HYDIN: variants seen among roughly 807,000 people sequenced by gnomAD.
HYDIN encodes the protein HYDIN axonemal central pair apparatus protein, also known as axonemal central pair apparatus protein HYDIN.
Under a neutral mutation model 403.9 loss-of-function variants are expected in HYDIN, and 132 were observed. That is an observed-to-expected ratio of 0.33 (90% confidence interval 0.28 to 0.38). The LOEUF is 0.38. HYDIN is among the 10% of genes least tolerant of loss of function. HYDIN has a pLI of 1.00. For missense variants in HYDIN, 2,827 were observed against 5,009.5 expected, an observed-to-expected ratio of 0.56 and a Z score of 13.15; for synonymous variants, 1,202 against 1,891.7, an observed-to-expected ratio of 0.64 and a Z score of 9.46.
chr16:71,226,332 T>C (rs531042709), intron 1 of HYDIN, among the ~76,000 whole-genome samples: 19 of 152,166 alleles, frequency 1.2e-4, no homozygotes, highest in African/African-American at 4.3e-4. Context: ...CCAAGGTAAG[T>C]GGAGGGAGGA....
At chr16:71,026,341 G>A (rs180728024) in intron 20 of HYDIN, among the ~76,000 whole-genome samples, 5,046 of 152,104 alleles carry the variant, frequency 0.033, 68 homozygotes, top group Non-Finnish European at 0.049. Flanking sequence ...ATAGAAGAGT[G>A]CTCAGGTTAG....
intron 10 of HYDIN, among the ~76,000 whole-genome samples, chr16:71,096,520 T>C (rs573997895): frequency 1.9e-4 from 29 of 152,116 alleles, no homozygotes; most frequent in Admixed American, 4.6e-4. Flanking sequence ...TGTCTCTGCA[T>C]GCTTCAGTAT....
At chr16:71,151,848 C>T (rs2085547905) in intron 7 of HYDIN, among the ~76,000 whole-genome samples, 2 of 151,548 alleles carry the variant, frequency 1.3e-5, no homozygotes, top group South Asian at 2.1e-4. Flanking sequence ...GTGTAATTTT[C>T]GTGATTATGG....
At chr16:70,859,847 A>G (rs1415043814) in intron 71 of HYDIN, among the ~76,000 whole-genome samples, 1 of 152,138 alleles carries the variant, frequency 6.6e-6, no homozygotes, top group Non-Finnish European at 1.5e-5. Flanking sequence ...CAAATATTAG[A>G]GCTCTCTGCT....
intron 42 of HYDIN, 150 bp downstream of exon 42, chr16:70,943,662 G>T: frequency 8.8e-7 from 1 of 1,138,358 alleles, no homozygotes; most frequent in African/African-American, 1.5e-5. Context: ...GTCAGGGGTC[G>T]ACAAGAGCTG....
chr16:71,188,365 C>T (rs569727661), intron 1 of HYDIN, among the ~76,000 whole-genome samples: 3 of 152,118 alleles, frequency 2.0e-5, no homozygotes, highest in Admixed American at 6.5e-5. Context: ...ATCTTCTAGG[C>T]GCATGAGTGG....
intron 7 of HYDIN, among the ~76,000 whole-genome samples, chr16:71,144,359 TGTTTGGTTTTGG>T (rs1271895955): frequency 3.6e-5 from 5 of 138,130 alleles, no homozygotes; most frequent in Non-Finnish European, 4.6e-5. Context: ...TCCAGTTATT[TGTTTGGTTTTGG>T]ATTTGGTTTT....
chr16:71,115,539 T>C (rs1335489965), intron 10 of HYDIN, among the ~76,000 whole-genome samples, 157 bp downstream of exon 10: 1 of 152,194 alleles, frequency 6.6e-6, no homozygotes, highest in Non-Finnish European at 1.5e-5. Context: ...GGGGCATAGC[T>C]TGGCTCCATA....
chr16:71,122,599 T>TAG, intron 9 of HYDIN, among the ~76,000 whole-genome samples: 1 of 77,778 alleles, frequency 1.3e-5, no homozygotes, highest in East Asian at 3.8e-4. Flanking sequence ...CATCTGGACT[T>TAG]CCACCCAACC....
intron 43 of HYDIN, 196 bp downstream of exon 43, chr16:70,941,440 G>A (rs1305302510): frequency 5.0e-6 from 2 of 401,554 alleles, no homozygotes; most frequent in African/African-American, 4.1e-5. Context: ...AGTGTGATGG[G>A]AGGGAAGCAG....
intron 1 of HYDIN, among the ~76,000 whole-genome samples, chr16:71,230,257 G>C (rs74025909): frequency 3.5e-4 from 54 of 152,320 alleles, no homozygotes; most frequent in African/African-American, 1.2e-3. Context: ...ATTTTCCCCG[G>C]TAAGACGGGA....
chr16:71,141,661 C>T (rs58065503), intron 7 of HYDIN, among the ~76,000 whole-genome samples: 13,129 of 152,096 alleles, frequency 0.086, 1,870 homozygotes, highest in African/African-American at 0.3. Context: ...TTTATAATAT[C>T]GTTTCAGCAA....
intron 23 of HYDIN, among the ~76,000 whole-genome samples, chr16:71,010,907 C>T (rs1312297180): frequency 1.3e-5 from 2 of 152,224 alleles, no homozygotes; most frequent in African/African-American, 4.8e-5. Context: ...GGAGGGGAGG[C>T]CTGCCTGGCC....
chr16:71,183,394 A>G lies in HYDIN; in HGVS notation c.261+1471T>C, dbSNP rs1276721770. ...ATTCATCATTGAAAAATGATATGAA[A>G]AAAATACTTGATAATTCAAGAAAAA... On this transcript the variant is annotated intron_variant, in intron 3 of 85. Transcript: ENST00000393567. Among the ~76,000 whole-genome samples the G allele has an allele frequency of 2.6e-5, 4 of 152,194 alleles. No homozygotes were observed. In the East Asian group the frequency reaches 5.8e-4, roughly 22 times the overall value.
chr16:71,212,188 A>G (rs1298721474), intron 1 of HYDIN, among the ~76,000 whole-genome samples: 1 of 152,212 alleles, frequency 6.6e-6, no homozygotes, highest in Non-Finnish European at 1.5e-5. Context: ...TGTAAATTAG[A>G]TAATACTGTT....
intron 8 of HYDIN, among the ~76,000 whole-genome samples, chr16:71,134,791 T>C (rs945793135): frequency 1.3e-5 from 2 of 152,226 alleles, no homozygotes; most frequent in Admixed American, 6.5e-5. Flanking sequence ...CGGCTTATAA[T>C]AGGAAAGTTG....
At chr16:71,062,096 C>T (rs541638367) in intron 17 of HYDIN, 73 bp downstream of exon 17, 10 of 1,139,526 alleles carry the variant, frequency 8.8e-6, no homozygotes, top group East Asian at 7.4e-5. Context: ...GTGTGGGCCT[C>T]AAATGAGAAA....
chr16:70,816,003 G>T (rs1429368847), intron 84 of HYDIN, among the ~76,000 whole-genome samples: 5 of 151,470 alleles, frequency 3.3e-5, no homozygotes, highest in African/African-American at 1.2e-4. Flanking sequence ...CAGCTACTCG[G>T]GAGGCTGAGG....
chr16:71,178,900 G>A, intron 4 of HYDIN, 28 bp downstream of exon 4: 1 of 1,595,320 alleles, frequency 6.3e-7, no homozygotes, highest in Non-Finnish European at 8.5e-7. Flanking sequence ...TCCTGGAACA[G>A]TTCACCCACC....
Sources: allele counts gnomAD v4.1 joint callset (sites outside exome capture counted in the v4.1 genomes callset), GRCh38; gene constraint gnomAD v4.1.1; transcripts MANE v1.5; gene names NCBI Gene and HGNC (gene_info 2026-07-23, HGNC 2026-07-21).